The following HORMAD1 variants were observed in gnomAD, a reference collection of about 807,000 sequenced individuals.
The protein encoded by HORMAD1 is HORMA domain-containing protein 1.
A neutral mutation model predicts 58.2 loss-of-function variants in HORMAD1; 33 were observed. That is an observed-to-expected ratio of 0.57 (90% CI 0.43 to 0.76). The LOEUF (loss-of-function observed/expected upper bound fraction) is 0.76. Among genes scored for constraint, HORMAD1 ranks in the 30% least tolerant of loss-of-function variants. The probability of loss-of-function intolerance (pLI) is 0.00; values close to 1 mark genes in which losing one functional copy is unlikely to be tolerated. For synonymous variants in HORMAD1, 137 were observed against 144.6 expected, an observed-to-expected ratio of 0.95 and a Z score of 0.38; for missense variants, 363 against 462.0, an observed-to-expected ratio of 0.79 and a Z score of 1.96.
At chr1:150,703,556 A>G (rs935579467) in intron 12 of HORMAD1, among the ~76,000 whole-genome samples, 163 bp from the exon 13 acceptor site, 6 of 152,226 alleles carry the variant, frequency 3.9e-5, no homozygotes, top group African/African-American at 1.4e-4. Flanking sequence ...GCACAAAAGT[A>G]AAGATAGTGA....
chr1:150,700,749 T>C (rs1651511930), intron 13 of HORMAD1, among the ~76,000 whole-genome samples: 2 of 152,164 alleles, frequency 1.3e-5, no homozygotes, highest in African/African-American at 4.8e-5. Context: ...TTCCTTTAAT[T>C]AGCATGTTTT....
intron 13 of HORMAD1, among the ~76,000 whole-genome samples, chr1:150,702,828 CA>C (rs775503791): frequency 3.3e-5 from 5 of 152,098 alleles, no homozygotes; most frequent in Admixed American, 6.6e-5. Flanking sequence ...ATAGGTGCAG[CA>C]AATCACTATG....
Position 150,706,797 on chromosome 1 carries a change from T to C in HORMAD1, c.560A>G (p.Asp187Gly). ...LFYYDEVTPP[D>G]YQPPGFKDGD... is the part of the protein sequence containing the mutation. ...ATCCTTAAAACCGGGAGGCTGGTAA[T>C]CTGGGGGTGTAACTGCAAAAAAGTA... The change falls in exon 10 of 15, where the codon GAT becomes GGT. Residue 187 changes from aspartate to glycine, a missense_variant. Around this residue, in one of 3 missense-constraint regions of HORMAD1, gnomAD observed 226 missense variants for 257.8 expected, o/e 0.88. Coordinates refer to ENST00000361824, the MANE Select transcript of HORMAD1 (RefSeq NM_032132.5). 1 of 1,609,810 alleles carries C rather than the reference T, an allele frequency of 6.2e-7. No individual in the cohort carries two copies. The highest frequency in any genetic ancestry group is 8.5e-7 in the Non-Finnish European group (1 of 1,177,412).
In HORMAD1 at chr1:150,704,351, A is replaced by G; in HGVS notation, c.805-8T>C. The G allele has an allele frequency of 6.5e-7, 1 of 1,530,578 alleles. No individual in the cohort carries two copies. The highest frequency in any genetic ancestry group is 8.8e-7 in the Non-Finnish European group (1 of 1,132,126). 94.8% of individuals were successfully genotyped at this position (1,530,578 alleles called of 1,614,324 possible). Reference sequence around the variant, plus strand: ...TTCAATGTCCAAATCATCCTACATAATTATGTGAAGAAAAAAATTGACACA... The same window carrying G: ...TTCAATGTCCAAATCATCCTACATAGTTATGTGAAGAAAAAAATTGACACA... On this transcript the variant is annotated splice_polypyrimidine_tract_variant and splice_region_variant and intron_variant, in intron 10 of 14. Coordinates refer to ENST00000361824, the MANE Select transcript of HORMAD1 (RefSeq NM_032132.5).
chr1:150,701,362 C>T (rs988416608), intron 13 of HORMAD1, among the ~76,000 whole-genome samples: 6 of 152,154 alleles, frequency 3.9e-5, no homozygotes, highest in African/African-American at 1.4e-4. Context: ...CATTTGAATG[C>T]TGCCTTCTGC....
chr1:150,716,150 CTTTTTTTTTTT>C (rs752800084), intron 3 of HORMAD1, among the ~76,000 whole-genome samples: 9 of 68,774 alleles, frequency 1.3e-4, no homozygotes, highest in South Asian at 7.2e-4. Context: ...CAAAGGACCA[CTTTTTTTTTTT>C]TTTTTTTTTT....
chr1:150,716,881 T>C (rs1652096595), intron 3 of HORMAD1, among the ~76,000 whole-genome samples: 1 of 143,196 alleles, frequency 7.0e-6, no homozygotes, highest in South Asian at 2.2e-4. Context: ...GAGAATGGCG[T>C]GAACCCAGGA....
chr1:150,717,397 C>T (rs1164409851), intron 2 of HORMAD1, 115 bp from the exon 3 acceptor site: 2 of 545,988 alleles, frequency 3.7e-6, no homozygotes, highest in African/African-American at 4.0e-5. Context: ...AAGAATTCCT[C>T]CCTATATTGG....
In HORMAD1 at chr1:150,708,406, T is replaced by C. The variant is rs769342287; in HGVS notation, c.397A>G (p.Lys133Glu). The C allele has an allele frequency of 7.6e-6, 12 of 1,580,490 alleles. No homozygotes were observed. The highest frequency in any genetic ancestry group is 1.7e-4 in the Middle Eastern group (1 of 5,742). Residue 133 changes from lysine (K) to glutamate (E), a missense_variant and splice_region_variant, in exon 9 of 15, where the codon AAA (lysine) becomes GAA (glutamate). This residue lies in a region of HORMAD1 where 128 missense variants were observed against 171.8 expected (regional missense o/e 0.74). Transcript: ENST00000361824. ...NNGPLMDFIS[K>E]NQSNESSMLS... ...ATGCTAGATTCGTTGCTTTGGTTTTTACTAGAAGAGAATCACATATTAATT... is the reference window on the plus strand; with the variant it reads ...ATGCTAGATTCGTTGCTTTGGTTTTCACTAGAAGAGAATCACATATTAATT...
chr1:150,713,870 A>C, intron 5 of HORMAD1: 1 of 533,620 alleles, frequency 1.9e-6, no homozygotes, highest in Non-Finnish European at 3.4e-6. Flanking sequence ...TGTTAAAAAA[A>C]CTAGCTTGGA....
chr1:150,703,650 A>C (rs1321253599), intron 12 of HORMAD1, among the ~76,000 whole-genome samples: 1 of 152,208 alleles, frequency 6.6e-6, no homozygotes, highest in African/African-American at 2.4e-5. Context: ...AGAAGACAAG[A>C]AATTTAGTCT....
At chr1:150,709,402 C>A (rs1027322730) in intron 7 of HORMAD1, among the ~76,000 whole-genome samples, 11 of 152,198 alleles carry the variant, frequency 7.2e-5, no homozygotes, top group Admixed American at 6.5e-5. Flanking sequence ...TTTAAGGGAT[C>A]TAGGGCTGTG....
chr1:150,716,151 T>TA (rs1652069637), intron 3 of HORMAD1, among the ~76,000 whole-genome samples: 1 of 31,818 alleles, frequency 3.1e-5, no homozygotes, highest in Non-Finnish European at 6.0e-5. Context: ...AAAGGACCAC[T>TA]TTTTTTTTTT....
chr1:150,709,326 C>A (rs1651789365), intron 7 of HORMAD1, among the ~76,000 whole-genome samples: 1 of 152,214 alleles, frequency 6.6e-6, no homozygotes, highest in Non-Finnish European at 1.5e-5. Flanking sequence ...TTGCCCCAGC[C>A]ACTTTGACCC....
chr1:150,700,196 A>C lies in HORMAD1; in HGVS notation c.1033-13T>G. On this transcript the variant is annotated splice_polypyrimidine_tract_variant and intron_variant, in intron 13 of 14. Transcript: ENST00000361824. ...GATTTCCATTTGCCTCCACAAAGAT[A>C]GAATAATTACTAATTGGTTATTTCT... 1 of 1,450,900 alleles carries C rather than the reference A, an allele frequency of 6.9e-7. No homozygotes were observed. Among genetic ancestry groups the C allele is most frequent in the Non-Finnish European group, 9.7e-7 (1 of 1,032,134 alleles). 89.9% of individuals were successfully genotyped at this position (1,450,900 alleles called of 1,614,324 possible).
At position 150,704,331 on chromosome 1, in the gene HORMAD1, T is replaced by C. The variant is rs149843100; in HGVS notation, c.817A>G (p.Ile273Val). 2.5e-5 allele frequency: 39 copies of C among 1,576,858 alleles called. No individual in the cohort carries two copies. Among genetic ancestry groups the C allele is most frequent in the Non-Finnish European group, 3.4e-5 (39 of 1,162,324 alleles). Residue 273 changes from isoleucine to valine, a missense_variant, in exon 11 of 15, where the codon ATT (isoleucine) becomes GTT (valine). Coordinates refer to ENST00000361824, the MANE Select transcript of HORMAD1 (RefSeq NM_032132.5). ...TCCTGTTCTTCCATTTTAGTTTCAA[T>C]GTCCAAATCATCCTACATAATTATG... ...QEHYTSDDLD[I>V]ETKMEEQEKN...
In HORMAD1 at chr1:150,698,831, A is replaced by T. The variant is rs1487474599; in HGVS notation, c.1105-97T>A. On this transcript the variant is annotated intron_variant, in intron 14 of 14. Transcript: ENST00000361824. The stretch of plus-strand genomic sequence containing the variant: ...TGTATCTGAGATTTCTCTTCTTTTT[A>T]AAAAAATTTATGCCTAGCATACCTA... The T allele has an allele frequency of 2.7e-5, 19 of 714,472 alleles. No homozygotes were observed. In the East Asian group the frequency reaches 2.8e-4, roughly 10 times the overall value. 44.3% of individuals were successfully genotyped at this position (714,472 alleles called of 1,614,324 possible).
At chr1:150,717,635 T>C (rs1652124206) in intron 2 of HORMAD1, among the ~76,000 whole-genome samples, 1 of 152,118 alleles carries the variant, frequency 6.6e-6, no homozygotes, top group African/African-American at 2.4e-5. Context: ...ACAAAGTATT[T>C]CATTAAAAAA....
intron 12 of HORMAD1, 96 bp downstream of exon 12, chr1:150,704,022 G>T: frequency 1.3e-6 from 1 of 742,132 alleles, no homozygotes; most frequent in Non-Finnish European, 2.1e-6. Flanking sequence ...TATTCTAAAA[G>T]ACCTGGAATA....
Sources: allele counts gnomAD v4.1 joint callset (sites outside exome capture counted in the v4.1 genomes callset), GRCh38; gene constraint gnomAD v4.1.1; regional missense constraint gnomAD v4.1.1; transcripts MANE v1.5; gene names NCBI Gene and HGNC (gene_info 2026-07-23, HGNC 2026-07-21).